Variants in RASA3 observed in about 807,000 individuals in gnomAD.
RASA3 encodes ras GTPase-activating protein 3.
Under a neutral mutation model 110.0 loss-of-function variants are expected in RASA3, and 73 were observed. The observed-to-expected ratio is 0.66, with a 90% CI of 0.55 to 0.81. RASA3 has a LOEUF of 0.81. Ranked by LOEUF, RASA3 falls within the 30% of genes least tolerant of loss-of-function variation. The pLI is 0.00. For missense variants in RASA3, 976 were observed against 1,113.2 expected, an observed-to-expected ratio of 0.88 and a Z score of 1.75; for synonymous variants, 500 against 451.4, an observed-to-expected ratio of 1.11 and a Z score of -1.37.
At chr13:114,117,891 C>T (rs143281643) in intron 1 of RASA3, among the ~76,000 whole-genome samples, 20,772 of 148,128 alleles carry the variant, frequency 0.14, 1,619 homozygotes, top group Middle Eastern at 0.2. Context: ...GTGAGGGGTG[C>T]ACGTGTGTGA....
At chr13:114,009,171 G>A (rs576791878) in intron 17 of RASA3, among the ~76,000 whole-genome samples, 1 of 152,354 alleles carries the variant, frequency 6.6e-6, no homozygotes, top group Middle Eastern at 3.4e-3. Flanking sequence ...TGGCCCCAAA[G>A]GCAGTCACGC....
At chr13:114,121,607 C>A (rs1394953289) in intron 1 of RASA3, among the ~76,000 whole-genome samples, 1 of 152,196 alleles carries the variant, frequency 6.6e-6, no homozygotes, top group Non-Finnish European at 1.5e-5. Flanking sequence ...ATGCGGACTC[C>A]TCCCTCAGCC....
intron 4 of RASA3, among the ~76,000 whole-genome samples, chr13:114,037,541 G>A (rs1172757465): frequency 2.0e-5 from 3 of 152,170 alleles, no homozygotes; most frequent in African/African-American, 7.2e-5. Flanking sequence ...GGGACAGAGG[G>A]GACGGAGGTT....
rs540078642 is a variant in RASA3, at chr13:114,019,447, C to T, written c.786-528G>A. Among the ~76,000 whole-genome samples, 7 of 152,366 alleles carry T rather than the reference C, an allele frequency of 4.6e-5. No homozygotes were observed. In the East Asian group the frequency reaches 1.3e-3, roughly 29 times the overall value. ...TCACCCAGGAGCCCTCTTCTGCTCT[C>T]ATTTGTGGGCCAGGCAGTCTAAGCT... On this transcript the variant is annotated intron_variant, in intron 9 of 23. Coordinates refer to ENST00000334062, the MANE Select transcript of RASA3 (RefSeq NM_007368.4).
At chr13:113,992,124 CGT>C (rs1175558286) in intron 22 of RASA3, among the ~76,000 whole-genome samples, 16 of 152,342 alleles carry the variant, frequency 1.1e-4, no homozygotes, top group African/African-American at 2.4e-4. Flanking sequence ...ACATCTCATA[CGT>C]GTGTCCGCAC....
At position 114,018,217 on chromosome 13, in the gene RASA3, C is replaced by T; in HGVS notation, c.978G>A (p.Glu326=). The change falls in exon 11 of 24, where the codon GAG becomes GAA. Residue 326 remains glutamate (E), a synonymous_variant. Coordinates refer to ENST00000334062, the MANE Select transcript of RASA3 (RefSeq NM_007368.4). ...CCGCCTCCTGCTTCTCCCGGCAAAC[C>T]TCGCCCAGGATGTGGGCCGCAGACG... ...VSASAAHILG[E]VCREKQEAAV... The T allele has an allele frequency of 6.4e-7, 1 of 1,553,930 alleles. No homozygotes were observed. Among genetic ancestry groups the T allele is most frequent in the Non-Finnish European group, 8.7e-7 (1 of 1,149,074 alleles).
chr13:114,127,738 A>T (rs1373989517), intron 1 of RASA3, among the ~76,000 whole-genome samples: 1 of 152,126 alleles, frequency 6.6e-6, no homozygotes, highest in Non-Finnish European at 1.5e-5. Context: ...CAACACAGTG[A>T]GGCCCAGTCT....
intron 2 of RASA3, among the ~76,000 whole-genome samples, chr13:114,066,173 C>T (rs997697805): frequency 1.3e-5 from 2 of 152,170 alleles, no homozygotes; most frequent in South Asian, 2.1e-4. Context: ...CCCATACCCC[C>T]CAAAAAAGAA....
At chr13:114,054,341 T>C (rs1178185780) in intron 2 of RASA3, among the ~76,000 whole-genome samples, 7 of 152,202 alleles carry the variant, frequency 4.6e-5, no homozygotes, top group African/African-American at 1.7e-4. Context: ...TTAAAAATGC[T>C]CCATGTCATT....
At chr13:114,117,487 C>A (rs1277216453) in intron 1 of RASA3, among the ~76,000 whole-genome samples, 2 of 121,164 alleles carry the variant, frequency 1.7e-5, no homozygotes, top group East Asian at 5.4e-4. Flanking sequence ...TGGGTGAGCA[C>A]GTGCGTGAGG....
chr13:114,000,739 C>T (rs543720152), intron 19 of RASA3, 87 bp downstream of exon 19: 142 of 1,007,728 alleles, frequency 1.4e-4, no homozygotes, highest in Non-Finnish European at 2.0e-4. Flanking sequence ...TCCTTCCTCC[C>T]CTCAGCTCTC....
intron 1 of RASA3, among the ~76,000 whole-genome samples, chr13:114,076,049 C>G (rs964928521): frequency 6.6e-6 from 1 of 152,104 alleles, no homozygotes; most frequent in Non-Finnish European, 1.5e-5. Flanking sequence ...CCAGCAGCAC[C>G]CGCTGCTGCC....
At chr13:114,033,870 C>T (rs1218655028) in intron 4 of RASA3, among the ~76,000 whole-genome samples, 4 of 152,320 alleles carry the variant, frequency 2.6e-5, no homozygotes, top group South Asian at 2.1e-4. Context: ...GATGTTGGGC[C>T]GGGAAGGTGG....
chr13:114,113,104 C>T (rs2080239447), intron 1 of RASA3, among the ~76,000 whole-genome samples: 1 of 152,182 alleles, frequency 6.6e-6, no homozygotes, highest in African/African-American at 2.4e-5. Flanking sequence ...AGGGGATGCT[C>T]GGCCATAAGC....
intron 1 of RASA3, among the ~76,000 whole-genome samples, chr13:114,090,376 C>T (rs531601331): frequency 6.6e-6 from 1 of 152,242 alleles, no homozygotes; most frequent in Admixed American, 6.5e-5. Flanking sequence ...TTTATGATGG[C>T]AAAATGGGGG....
In RASA3 at chr13:113,978,310, CAG is replaced by C. The variant is rs2052825171; in HGVS notation, c.*1035_*1036del. On this transcript the variant is annotated 3_prime_UTR_variant, in exon 24 of 24. Transcript: ENST00000334062. The stretch of plus-strand genomic sequence containing the variant: ...CCCCGAAGCCCCTGTACCTCAAACT[CAG>C]AGTTTCTTCCCTTCTTTGATTTTCT... 6.6e-6 allele frequency: 1 copy of C among 152,282 alleles called. No homozygotes were observed. Among genetic ancestry groups the C allele is most frequent in the South Asian group, 2.1e-4 (1 of 4,834 alleles). The allele number at this position is 152,282 out of a possible 1,614,324, so 9.4% of individuals were successfully genotyped here. A position where few individuals can be genotyped will look rare whatever the true frequency, so the allele number is the denominator to read the frequency against.
At chr13:113,981,287 G>A (rs1336926004) in intron 23 of RASA3, among the ~76,000 whole-genome samples, 1 of 152,222 alleles carries the variant, frequency 6.6e-6, no homozygotes, top group African/African-American at 2.4e-5. Context: ...AGCTGGCCCT[G>A]CTCCCGGGCA....
chr13:114,093,850 A>G (rs2079914118), intron 1 of RASA3, among the ~76,000 whole-genome samples: 1 of 149,442 alleles, frequency 6.7e-6, no homozygotes, highest in Non-Finnish European at 1.5e-5. Flanking sequence ...TCTCTCTTTC[A>G]TTTTTGCATT....
chr13:114,057,483 G>C lies in RASA3; in HGVS notation c.174-5328C>G. The C allele has an allele frequency of 1.0e-6, 1 of 985,418 alleles. No homozygotes were observed. The highest frequency in any genetic ancestry group is 1.2e-6 in the Non-Finnish European group (1 of 829,916). The allele number at this position is 985,418 out of a possible 1,614,324, so 61.0% of individuals were successfully genotyped here. On this transcript the variant is annotated intron_variant, in intron 2 of 23. Transcript: ENST00000334062. The surrounding 1 kb of genome is among the most constrained non-coding windows in gnomAD (Gnocchi z 5.0). ...AAAGCTGGAGCCAGTCTCTGTGCCA[G>C]AATAGAGGGTTCGTTCAGCTTCTTA...
Sources: gnomAD v4.1 joint callset for allele counts (sites outside exome capture counted in the v4.1 genomes callset) on GRCh38, gnomAD v4.1.1 for gene constraint, Gnocchi (gnomAD v3.1) non-coding constraint, MANE v1.5 for transcripts, NCBI Gene and HGNC (gene_info 2026-07-23, HGNC 2026-07-21) for gene names.